Variants in GRB2 observed in about 807,000 individuals in gnomAD.
GRB2 encodes growth factor receptor bound protein 2, also known as growth factor receptor-bound protein 2.
Under a neutral mutation model 27.4 loss-of-function variants are expected in GRB2, and 2 were observed. The observed-to-expected ratio is 0.07, with a 90% CI of 0.03 to 0.23. The LOEUF (loss-of-function observed/expected upper bound fraction) is 0.23, where lower values mean the gene tolerates loss of function less well. GRB2 is among the 10% of genes least tolerant of loss of function. The pLI is 1.00. For synonymous variants in GRB2, 94 were observed against 99.6 expected, an observed-to-expected ratio of 0.94 and a Z score of 0.33; for missense variants, 102 against 282.4, an observed-to-expected ratio of 0.36 and a Z score of 4.58.
intron 3 of GRB2, chr17:75,326,379 G>A (rs2078498989): frequency 4.1e-6 from 1 of 246,592 alleles, no homozygotes; most frequent in East Asian, 9.7e-5. Context: ...CTTGGTGTAC[G>A]GGATGAACTG....
At chr17:75,352,686 C>CA (rs892047413) in intron 2 of GRB2, among the ~76,000 whole-genome samples, 5 of 152,110 alleles carry the variant, frequency 3.3e-5, no homozygotes, top group African/African-American at 1.2e-4. Context: ...AGCCTGGTAT[C>CA]ACTCAGCCTT....
chr17:75,360,073 G>A (rs903234050), intron 2 of GRB2, among the ~76,000 whole-genome samples: 9 of 151,766 alleles, frequency 5.9e-5, no homozygotes, highest in African/African-American at 1.9e-4. Flanking sequence ...CTTGAGGCCA[G>A]GGGTTAGAGA....
chr17:75,333,631 G>A (rs1433841001), intron 2 of GRB2, among the ~76,000 whole-genome samples: 1 of 152,064 alleles, frequency 6.6e-6, no homozygotes, highest in Non-Finnish European at 1.5e-5. Context: ...CCGCAAGTAC[G>A]GGTCACCCAC....
chr17:75,360,287 C>A (rs1412062269), intron 2 of GRB2, among the ~76,000 whole-genome samples: 1 of 152,186 alleles, frequency 6.6e-6, no homozygotes, highest in Non-Finnish European at 1.5e-5. Context: ...GTTTAGTCCT[C>A]CCATTACTAT....
chr17:75,359,526 T>TA (rs1257385545), intron 2 of GRB2, among the ~76,000 whole-genome samples: 144 of 100,194 alleles, frequency 1.4e-3, no homozygotes, highest in African/African-American at 4.5e-3. Flanking sequence ...TAATAATAAA[T>TA]AATAATAATA....
chr17:75,333,368 G>T (rs1988196833), intron 2 of GRB2, among the ~76,000 whole-genome samples: 2 of 152,144 alleles, frequency 1.3e-5, no homozygotes, highest in Admixed American at 1.3e-4. Context: ...GAGCCACTGT[G>T]CCCGGCCAGT....
intron 2 of GRB2, among the ~76,000 whole-genome samples, chr17:75,374,193 G>A (rs1315809998): frequency 6.6e-6 from 1 of 151,392 alleles, no homozygotes; most frequent in Non-Finnish European, 1.5e-5. Context: ...ATCATCTGAG[G>A]TCAGGAGTTT....
chr17:75,355,028 G>C (rs558892845), intron 2 of GRB2, among the ~76,000 whole-genome samples: 5 of 152,102 alleles, frequency 3.3e-5, no homozygotes, highest in African/African-American at 1.2e-4. Flanking sequence ...GGTTGGTCTC[G>C]AACTCCTGAC....
intron 2 of GRB2, among the ~76,000 whole-genome samples, chr17:75,348,778 T>C (rs2078670282): frequency 6.6e-6 from 1 of 152,176 alleles, no homozygotes; most frequent in Non-Finnish European, 1.5e-5. Flanking sequence ...CTAGGCCAAG[T>C]GAACTTCCCA....
intron 2 of GRB2, among the ~76,000 whole-genome samples, chr17:75,350,855 C>A (rs1044866548): frequency 1.3e-5 from 2 of 151,974 alleles, no homozygotes; most frequent in Non-Finnish European, 2.9e-5. Flanking sequence ...GGCTTGGGGA[C>A]GGGCATTGAG....
At chr17:75,333,632 G>A (rs895007613) in intron 2 of GRB2, among the ~76,000 whole-genome samples, 4 of 151,974 alleles carry the variant, frequency 2.6e-5, no homozygotes, top group Non-Finnish European at 5.9e-5. Context: ...CGCAAGTACG[G>A]GTCACCCACC....
rs549641571 is a variant in GRB2, at chr17:75,358,591, G to A, written c.79-25794C>T. 3.3e-5 allele frequency among the ~76,000 whole-genome samples: 5 copies of A among 150,948 alleles called. No homozygotes were observed. The South Asian group carries it at 8.3e-4, about 25-fold the overall frequency. On this transcript the variant is annotated intron_variant, in intron 2 of 5. Coordinates refer to ENST00000316804, the MANE Select transcript of GRB2 (RefSeq NM_002086.5). Reference sequence around the variant, plus strand: ...TTAAGAGTAACAGACAGGGCCAGCCGCGGTTGGGCATGCCTGTAATCCCAG... The same window carrying A: ...TTAAGAGTAACAGACAGGGCCAGCCACGGTTGGGCATGCCTGTAATCCCAG...
At chr17:75,366,214 T>C (rs373040052) in intron 2 of GRB2, among the ~76,000 whole-genome samples, 1 of 152,184 alleles carries the variant, frequency 6.6e-6, no homozygotes, top group Non-Finnish European at 1.5e-5. Flanking sequence ...GATCAAATCT[T>C]ATCTGATCTC....
chr17:75,338,387 G>A (rs949782695), intron 2 of GRB2, among the ~76,000 whole-genome samples: 1 of 152,138 alleles, frequency 6.6e-6, no homozygotes, highest in East Asian at 1.9e-4. Context: ...TAAAGGCCTA[G>A]TCAGACTCCT....
intron 2 of GRB2, among the ~76,000 whole-genome samples, chr17:75,389,689 A>G (rs2078986463): frequency 6.6e-6 from 1 of 152,048 alleles, no homozygotes; most frequent in Non-Finnish European, 1.5e-5. Context: ...TACTAAAAAT[A>G]CAAAAAATTA....
At chr17:75,355,306 G>A (rs1435062232) in intron 2 of GRB2, among the ~76,000 whole-genome samples, 1 of 151,996 alleles carries the variant, frequency 6.6e-6, no homozygotes, top group Non-Finnish European at 1.5e-5. Context: ...TCATCTCTGG[G>A]AGTGGGGTGA....
intron 2 of GRB2, among the ~76,000 whole-genome samples, chr17:75,385,729 ATACTT>A (rs1002941909): frequency 1.3e-4 from 20 of 152,326 alleles, no homozygotes; most frequent in Admixed American, 1.2e-3. Flanking sequence ...GGGAAGTTGA[ATACTT>A]AGCTTAGAGC....
chr17:75,324,106 G>C (rs1486174206), intron 4 of GRB2, among the ~76,000 whole-genome samples: 1 of 151,244 alleles, frequency 6.6e-6, no homozygotes, highest in Non-Finnish European at 1.5e-5. Context: ...CACCATGCCG[G>C]GCCACAACTA....
chr17:75,330,924 T>C (rs764865686), intron 3 of GRB2, among the ~76,000 whole-genome samples: 8 of 152,090 alleles, frequency 5.3e-5, no homozygotes, highest in Non-Finnish European at 8.8e-5. Context: ...GTAGTCTAAT[T>C]TGTTAACTTG....
Sources: allele counts gnomAD v4.1 joint callset (sites outside exome capture counted in the v4.1 genomes callset), GRCh38; gene constraint gnomAD v4.1.1; transcripts MANE v1.5; gene names NCBI Gene and HGNC (gene_info 2026-07-23, HGNC 2026-07-21).